Variants in DCAF6 observed in about 807,000 individuals in gnomAD.
The protein encoded by DCAF6 is DDB1- and CUL4-associated factor 6.
In DCAF6, 54 loss-of-function variants were observed where a neutral mutation model predicts 125.1. That is an observed-to-expected ratio of 0.43 (90% confidence interval 0.35 to 0.54). The LOEUF (loss-of-function observed/expected upper bound fraction) is 0.54. DCAF6 is among the 20% of genes least tolerant of loss of function. The pLI is 0.01. For synonymous variants in DCAF6, 371 were observed against 390.4 expected, an observed-to-expected ratio of 0.95 and a Z score of 0.58; for missense variants, 934 against 1,161.7, an observed-to-expected ratio of 0.80 and a Z score of 2.85.
intron 2 of DCAF6, among the ~76,000 whole-genome samples, chr1:167,955,458 A>G (rs1321651307): frequency 2.0e-5 from 3 of 148,380 alleles, no homozygotes; most frequent in Non-Finnish European, 3.0e-5. Flanking sequence ...TTTTTTTTTT[A>G]AAGACATTCT....
At chr1:167,885,679 C>T in the DCAF6 span, among the ~76,000 whole-genome samples, 2 of 152,012 alleles carry the variant, frequency 1.3e-5, no homozygotes, top group Non-Finnish European at 2.9e-5. Flanking sequence ...TGCAGTGGCA[C>T]ATCTCATCTC....
intron 7 of DCAF6, among the ~76,000 whole-genome samples, chr1:167,996,391 A>C (rs1294943844): frequency 1.3e-5 from 2 of 152,044 alleles, no homozygotes; most frequent in Admixed American, 1.3e-4. Context: ...GTGCCTAAAA[A>C]TATACTCCAG....
chr1:167,884,855 G>A, the DCAF6 span, among the ~76,000 whole-genome samples: 1 of 152,008 alleles, frequency 6.6e-6, no homozygotes, highest in East Asian at 1.9e-4. Flanking sequence ...GCACCACCAT[G>A]CCTGGCTAAT....
chr1:167,948,391 A>G (rs1042527498), intron 1 of DCAF6, among the ~76,000 whole-genome samples: 5 of 152,188 alleles, frequency 3.3e-5, no homozygotes, highest in African/African-American at 1.2e-4. Context: ...ACCCCCAAGT[A>G]AGAACTAAGG....
upstream of DCAF6, among the ~76,000 whole-genome samples, chr1:167,932,211 A>G (rs1280983552): frequency 6.6e-6 from 1 of 152,190 alleles, no homozygotes; most frequent in Non-Finnish European, 1.5e-5. Flanking sequence ...CCTCTTGAAC[A>G]TATGCCCTAT....
chr1:167,939,364 CCAT>C (rs71868296), intron 1 of DCAF6, among the ~76,000 whole-genome samples: 4,568 of 152,202 alleles, frequency 0.03, 231 homozygotes, highest in African/African-American at 0.1. Flanking sequence ...ATTAACATAT[CCAT>C]CATGTCACAT....
chr1:167,883,340 T>A, the DCAF6 span: 1 of 1,394,602 alleles, frequency 7.2e-7, no homozygotes, highest in Non-Finnish European at 1.0e-6. Flanking sequence ...GCCCAGCCTC[T>A]AGGTTAAATT....
chr1:167,906,555 A>G, the DCAF6 span, among the ~76,000 whole-genome samples: 1 of 151,484 alleles, frequency 6.6e-6, no homozygotes, highest in Non-Finnish European at 1.5e-5. Context: ...TGGGAGGCCT[A>G]CACAGGAGTA....
the DCAF6 span, among the ~76,000 whole-genome samples, chr1:167,914,745 T>C: frequency 6.6e-6 from 1 of 152,226 alleles, no homozygotes; most frequent in Non-Finnish European, 1.5e-5. Context: ...TTCTTATGTA[T>C]ATCATCACAA....
At chr1:168,023,371 G>A (rs1203822519) in intron 12 of DCAF6, 2 of 389,368 alleles carry the variant, frequency 5.1e-6, no homozygotes, top group African/African-American at 4.0e-5. Flanking sequence ...AGAACTGTGG[G>A]TGTGAGGTTA....
At chr1:168,009,377 TCC>T (rs1410806917) in intron 10 of DCAF6, among the ~76,000 whole-genome samples, 9 of 143,426 alleles carry the variant, frequency 6.3e-5, no homozygotes, top group Admixed American at 3.4e-4. Flanking sequence ...CTTCCTTCCT[TCC>T]TTCCTTCCTT....
intron 7 of DCAF6, among the ~76,000 whole-genome samples, chr1:168,001,033 G>T (rs902084053): frequency 3.3e-5 from 5 of 152,176 alleles, no homozygotes; most frequent in Non-Finnish European, 7.4e-5. Context: ...AGATGTGGTG[G>T]CTCATGCCTG....
chr1:168,044,541 C>G lies in DCAF6; in HGVS notation c.1844-44C>G, dbSNP rs76023228. ...ATTTTCAGCGATTTTAGAACTAATC[C>G]CTCATGGATACCAAGGGATGACTGT... On this transcript the variant is annotated intron_variant, in intron 14 of 21. Transcript: ENST00000367840. The G allele has an allele frequency of 7.5e-3, 10,495 of 1,407,896 alleles. 398 individuals carry two copies. The African/African-American group carries it at 0.1, about 13-fold the overall frequency. 87.2% of individuals were successfully genotyped at this position (1,407,896 alleles called of 1,614,324 possible).
At chr1:167,874,124 G>A in the DCAF6 span, among the ~76,000 whole-genome samples, 1 of 152,194 alleles carries the variant, frequency 6.6e-6, no homozygotes, top group Non-Finnish European at 1.5e-5. Flanking sequence ...TTGAAGTTAG[G>A]AGATCAAGAC....
chr1:168,043,607 A>G lies in DCAF6; in HGVS notation c.1843+467A>G, dbSNP rs1166551566. 2.0e-5 allele frequency among the ~76,000 whole-genome samples: 3 copies of G among 152,294 alleles called. No homozygotes were observed. The South Asian group carries it at 6.2e-4, about 32-fold the overall frequency. On this transcript the variant is annotated intron_variant, in intron 14 of 21. Coordinates refer to ENST00000367840, the MANE Select transcript of DCAF6 (RefSeq NM_001198956.2). ...TCTAATAGAATATTTTTATATGACA[A>G]TTACATGAAATTTAATGTCTAGCAC...
At chr1:168,000,098 ATAT>A (rs1259909853) in intron 7 of DCAF6, among the ~76,000 whole-genome samples, 1 of 152,154 alleles carries the variant, frequency 6.6e-6, no homozygotes, top group African/African-American at 2.4e-5. Flanking sequence ...CCTAATTTCA[ATAT>A]TATTGTTGTG....
the DCAF6 span, chr1:167,880,612 G>T: frequency 6.2e-7 from 1 of 1,603,860 alleles, no homozygotes; most frequent in South Asian, 1.1e-5. Flanking sequence ...GAGCAGCCCT[G>T]TGAGGGAGAG....
intron 10 of DCAF6, among the ~76,000 whole-genome samples, chr1:168,009,345 C>CCTTCCTTCCTTCCTT (rs1683857696): frequency 7.8e-6 from 1 of 127,818 alleles, no homozygotes; most frequent in African/African-American, 3.1e-5. Flanking sequence ...CTTCCTTCCT[C>CCTTCCTTCCTTCCTT]CCTTCCTTCC....
intron 11 of DCAF6, among the ~76,000 whole-genome samples, chr1:168,021,217 AAAAT>A (rs1311268308): frequency 1.3e-5 from 2 of 152,146 alleles, no homozygotes; most frequent in African/African-American, 4.8e-5. Context: ...TTTTTTAGAA[AAAAT>A]AAATGTTTGA....
Sources: gnomAD v4.1 joint callset for allele counts (sites outside exome capture counted in the v4.1 genomes callset) on GRCh38, gnomAD v4.1.1 for gene constraint, MANE v1.5 for transcripts, NCBI Gene and HGNC (gene_info 2026-07-23, HGNC 2026-07-21) for gene names.